The following PALLD variants were observed in gnomAD, a reference collection of about 807,000 sequenced individuals.
The protein encoded by PALLD is palladin.
PALLD carries 61 observed loss-of-function variants against 123.5 expected under a neutral mutation model. The observed-to-expected ratio is 0.49, with a 90% CI of 0.40 to 0.61. PALLD has a LOEUF of 0.61. Ranked by LOEUF, PALLD falls within the 20% of genes least tolerant of loss-of-function variation. The probability of loss-of-function intolerance (pLI) is 0.00; values close to 1 mark genes in which losing one functional copy is unlikely to be tolerated. For synonymous variants in PALLD, 465 were observed against 496.4 expected (o/e 0.94, Z 0.84); for missense variants, 1,273 against 1,377.0 (o/e 0.92, Z 1.20).
intron 10 of PALLD, among the ~76,000 whole-genome samples, chr4:168,767,901 G>T (rs191446791): frequency 6.6e-6 from 1 of 152,128 alleles, no homozygotes; most frequent in Non-Finnish European, 1.5e-5. Context: ...TCCAAGCCTG[G>T]CTTTCACCCC....
intron 2 of PALLD, among the ~76,000 whole-genome samples, chr4:168,596,037 A>G (rs1371164097): frequency 2.0e-5 from 3 of 152,070 alleles, no homozygotes; most frequent in African/African-American, 7.2e-5. Context: ...TACTAATAGT[A>G]ATTAGATTTT....
intron 1 of PALLD, among the ~76,000 whole-genome samples, chr4:168,503,563 T>C (rs1188142817): frequency 6.7e-6 from 1 of 149,432 alleles, no homozygotes; most frequent in African/African-American, 2.5e-5. Context: ...AAGAGAATGG[T>C]GTGAACCTGG....
chr4:168,747,984 G>A (rs574271104), intron 10 of PALLD, among the ~76,000 whole-genome samples: 20 of 152,214 alleles, frequency 1.3e-4, no homozygotes, highest in Middle Eastern at 3.4e-3. Context: ...CACATTCCCC[G>A]TTGTGATCAG....
chr4:168,860,153 C>T (rs1045901500), intron 10 of PALLD, among the ~76,000 whole-genome samples: 2 of 152,162 alleles, frequency 1.3e-5, no homozygotes, highest in African/African-American at 4.8e-5. Flanking sequence ...ATGATAATTA[C>T]TCTAAATGCT....
intron 2 of PALLD, among the ~76,000 whole-genome samples, chr4:168,622,629 A>T (rs888139094): frequency 6.6e-6 from 1 of 152,204 alleles, no homozygotes; most frequent in African/African-American, 2.4e-5. Flanking sequence ...CCCAAAAGAG[A>T]AGTAGCATTA....
intron 10 of PALLD, among the ~76,000 whole-genome samples, chr4:168,856,682 G>A (rs1748655841): frequency 6.6e-6 from 1 of 152,162 alleles, no homozygotes; most frequent in African/African-American, 2.4e-5. Flanking sequence ...AGATGAAGAA[G>A]CAGGTTCAGA....
Position 168,884,298 on chromosome 4 carries a change from G to C in PALLD, c.1965-6624G>C, listed in dbSNP as rs1340037168. On this transcript the variant is annotated intron_variant, in intron 10 of 21. Coordinates refer to ENST00000505667, the MANE Select transcript of PALLD (RefSeq NM_001166108.2). ...TGAGATGCTCTGAAAAAGAGAAGAG[G>C]TTCCATATTAGAATAAGTGTGAGAA... Among the ~76,000 whole-genome samples, 7 of 152,156 alleles carry C rather than the reference G, an allele frequency of 4.6e-5. 1 individual carries two copies. Among genetic ancestry groups the C allele is most frequent in the Admixed American group, 4.6e-4 (7 of 15,276 alleles).
chr4:168,828,709 G>A (rs1351017180), intron 10 of PALLD, among the ~76,000 whole-genome samples: 1 of 152,238 alleles, frequency 6.6e-6, no homozygotes, highest in African/African-American at 2.4e-5. Context: ...CCAAATACTT[G>A]GCGAATTGAG....
intron 2 of PALLD, chr4:168,648,339 A>G (rs914666040): frequency 1.3e-5 from 2 of 152,226 alleles, no homozygotes; most frequent in African/African-American, 4.8e-5. Context: ...GAGAAAAAGT[A>G]GAAATCTATG....
chr4:168,854,753 G>A (rs1748335161), intron 10 of PALLD, among the ~76,000 whole-genome samples: 1 of 152,200 alleles, frequency 6.6e-6, no homozygotes, highest in African/African-American at 2.4e-5. Context: ...GGACGACAGA[G>A]AGGAAAAGAG....
At chr4:168,644,655 C>G (rs567631228) in intron 2 of PALLD, among the ~76,000 whole-genome samples, 1 of 152,222 alleles carries the variant, frequency 6.6e-6, no homozygotes, top group Admixed American at 6.5e-5. Context: ...CAATGGAAGC[C>G]CAAAAGTGTG....
intron 2 of PALLD, among the ~76,000 whole-genome samples, chr4:168,614,000 G>C (rs1773982689): frequency 2.0e-5 from 3 of 152,158 alleles, no homozygotes. Flanking sequence ...TCATTTAAAG[G>C]CTGGAGAATT....
intron 10 of PALLD, among the ~76,000 whole-genome samples, chr4:168,821,184 C>T (rs1444248964): frequency 4.6e-5 from 7 of 152,172 alleles, no homozygotes; most frequent in Admixed American, 2.0e-4. Flanking sequence ...ATTATCTTTA[C>T]CTAATCCATC....
intron 10 of PALLD, among the ~76,000 whole-genome samples, chr4:168,811,623 C>G (rs953174605): frequency 6.6e-6 from 1 of 152,126 alleles, no homozygotes; most frequent in Non-Finnish European, 1.5e-5. Context: ...GTAGTCCCCG[C>G]TACTCAAGAG....
intron 12 of PALLD, among the ~76,000 whole-genome samples, chr4:168,896,136 G>A (rs1755098880): frequency 1.3e-5 from 2 of 151,768 alleles, no homozygotes; most frequent in Non-Finnish European, 2.9e-5. Flanking sequence ...CTTGAACCCA[G>A]GAGACAGAGG....
Position 168,924,434 on chromosome 4 carries a change from A to G in PALLD, c.3224+14A>G, listed in dbSNP as rs766796340. The G allele has an allele frequency of 2.3e-5, 37 of 1,609,300 alleles. No individual in the cohort carries two copies. Among genetic ancestry groups the G allele is most frequent in the Non-Finnish European group, 2.7e-5 (32 of 1,175,798 alleles). ...TGACCGAGTGAGGTAAGACTGCACA[A>G]TGAGAACCTGATCCTTAACTGTTCA... On this transcript the variant is annotated intron_variant, in intron 19 of 21. Coordinates refer to ENST00000505667, the MANE Select transcript of PALLD (RefSeq NM_001166108.2).
At chr4:168,536,830 T>TC (rs1351189376) in intron 2 of PALLD, among the ~76,000 whole-genome samples, 2 of 114,528 alleles carry the variant, frequency 1.7e-5, no homozygotes, top group Non-Finnish European at 3.6e-5. Flanking sequence ...AAAGGTTCTC[T>TC]CTTTTTTTTT....
At chr4:168,638,693 C>T (rs1018249438) in intron 2 of PALLD, among the ~76,000 whole-genome samples, 2 of 152,088 alleles carry the variant, frequency 1.3e-5, no homozygotes, top group African/African-American at 4.8e-5. Context: ...TGTGATCTCA[C>T]GTATTGGAAG....
chr4:168,772,342 G>A (rs1734570249), intron 10 of PALLD, among the ~76,000 whole-genome samples: 1 of 152,134 alleles, frequency 6.6e-6, no homozygotes, highest in Admixed American at 6.5e-5. Context: ...CAATGTTCAT[G>A]TTATCTCTGC....
Sources: gnomAD v4.1 joint callset for allele counts (sites outside exome capture counted in the v4.1 genomes callset) on GRCh38, gnomAD v4.1.1 for gene constraint, MANE v1.5 for transcripts, NCBI Gene and HGNC (gene_info 2026-07-23, HGNC 2026-07-21) for gene names.